Variants in SPIDR observed in about 807,000 individuals in gnomAD.
SPIDR encodes the protein DNA repair-scaffolding protein.
SPIDR carries 93 observed loss-of-function variants against 104.6 expected under a neutral mutation model. That is an observed-to-expected ratio of 0.89 (90% CI 0.75 to 1.06). SPIDR has a LOEUF of 1.06. Ranked by LOEUF, SPIDR falls within the 50% of genes least tolerant of loss-of-function variation. SPIDR has a pLI of 0.00. For synonymous variants in SPIDR, 431 were observed against 416.9 expected, an observed-to-expected ratio of 1.03 and a Z score of -0.41; for missense variants, 1,154 against 1,111.2, an observed-to-expected ratio of 1.04 and a Z score of -0.55.
At chr8:47,409,470 G>T (rs1207737344) in intron 7 of SPIDR, among the ~76,000 whole-genome samples, 1 of 152,132 alleles carries the variant, frequency 6.6e-6, no homozygotes, top group Non-Finnish European at 1.5e-5. Flanking sequence ...CTAGAGTAGG[G>T]GATGGGTAGG....
chr8:47,319,219 C>A (rs1453580910), intron 5 of SPIDR, among the ~76,000 whole-genome samples: 1 of 152,094 alleles, frequency 6.6e-6, no homozygotes, highest in Non-Finnish European at 1.5e-5. Flanking sequence ...GCAGAAGACA[C>A]ACACAGGCTC....
At chr8:47,411,041 T>G (rs573691614) in intron 7 of SPIDR, among the ~76,000 whole-genome samples, 1 of 152,368 alleles carries the variant, frequency 6.6e-6, no homozygotes, top group South Asian at 2.1e-4. Context: ...TGCCACATTT[T>G]CTTAATCCAG....
chr8:47,697,192 A>G (rs1463078506), intron 11 of SPIDR, among the ~76,000 whole-genome samples: 1 of 151,654 alleles, frequency 6.6e-6, no homozygotes, highest in Non-Finnish European at 1.5e-5. Context: ...TCCTTTAAAG[A>G]GTGTGGAAGA....
intron 8 of SPIDR, among the ~76,000 whole-genome samples, chr8:47,505,416 G>C (rs2081314326): frequency 6.6e-6 from 1 of 152,180 alleles, no homozygotes; most frequent in African/African-American, 2.4e-5. Flanking sequence ...GGGCTCTGTG[G>C]GCATAGGACC....
At chr8:47,675,013 GTTTT>G (rs2076241376) in intron 11 of SPIDR, among the ~76,000 whole-genome samples, 1 of 151,906 alleles carries the variant, frequency 6.6e-6, no homozygotes, top group East Asian at 1.9e-4. Context: ...TTGGTTTTTG[GTTTT>G]TTTGTTTTTT....
At chr8:47,282,966 C>T (rs1810043176) in intron 2 of SPIDR, among the ~76,000 whole-genome samples, 1 of 152,086 alleles carries the variant, frequency 6.6e-6, no homozygotes. Flanking sequence ...GGTGATTCTC[C>T]TGCCTCAGCC....
chr8:47,440,346 G>A lies in SPIDR; in HGVS notation c.901G>A (p.Val301Met), dbSNP rs781791377. 1.9e-6 allele frequency: 3 copies of A among 1,614,126 alleles called. No homozygotes were observed. Among genetic ancestry groups the A allele is most frequent in the East Asian group, 2.2e-5 (1 of 44,884 alleles). Reference sequence around the variant, plus strand: ...AGGTAGAAAATCTGGTGTATTAACTGTGAAAATTTTAGAGCTGCATGAGGA... The same window carrying A: ...AGGTAGAAAATCTGGTGTATTAACTATGAAAATTTTAGAGCTGCATGAGGA... The part of the protein sequence containing the change: ...LSGRKSGVLT[V>M]KILELHEECA... The change falls in exon 8 of 20, where the codon GTG (valine) becomes ATG (methionine). Residue 301 changes from valine to methionine, a missense_variant. Transcript: ENST00000297423.
At chr8:47,655,625 G>A (rs2072624211) in intron 10 of SPIDR, among the ~76,000 whole-genome samples, 1 of 151,916 alleles carries the variant, frequency 6.6e-6, no homozygotes, top group Admixed American at 6.6e-5. Context: ...CTGGATATTA[G>A]CCCTTTGTCA....
chr8:47,526,435 AGCAAAATCTAGTCTTCATTG>A, intron 8 of SPIDR, among the ~76,000 whole-genome samples: 2 of 152,338 alleles, frequency 1.3e-5, no homozygotes, highest in African/African-American at 4.8e-5. Flanking sequence ...GGTCACAGGG[AGCAAAATCTAGTCTTCATTG>A]GCTAAGAAGC....
intron 7 of SPIDR, among the ~76,000 whole-genome samples, chr8:47,433,321 T>G (rs4873101): frequency 0.73 from 111,767 of 152,078 alleles, 41,205 homozygotes; most frequent in East Asian, 0.81. Flanking sequence ...CTTCAGTCTG[T>G]TCTCAACACG....
intron 8 of SPIDR, chr8:47,592,543 G>T: frequency 7.5e-7 from 1 of 1,339,042 alleles, no homozygotes; most frequent in Non-Finnish European, 1.1e-6. Context: ...CTGCTTTGAT[G>T]CCAGGAACTG....
intron 5 of SPIDR, among the ~76,000 whole-genome samples, chr8:47,329,367 G>T (rs575102494): frequency 6.6e-6 from 1 of 152,024 alleles, no homozygotes; most frequent in Non-Finnish European, 1.5e-5. Flanking sequence ...CACCGCGCCC[G>T]ACCCAATTTT....
chr8:47,300,591 A>G (rs2041890219), intron 5 of SPIDR, among the ~76,000 whole-genome samples: 1 of 152,210 alleles, frequency 6.6e-6, no homozygotes, highest in African/African-American at 2.4e-5. Flanking sequence ...ATTTAGTGCT[A>G]CAAATTTCCC....
intron 10 of SPIDR, among the ~76,000 whole-genome samples, chr8:47,607,538 G>A (rs1428209456): frequency 2.0e-5 from 3 of 151,648 alleles, no homozygotes; most frequent in Admixed American, 2.0e-4. Context: ...GTGTGTGTTT[G>A]GACAGTGGAA....
intron 11 of SPIDR, among the ~76,000 whole-genome samples, chr8:47,681,929 C>A (rs979837368): frequency 3.3e-5 from 5 of 152,074 alleles, no homozygotes; most frequent in Non-Finnish European, 7.3e-5. Context: ...TTAGTTTCTT[C>A]ATTTTAATTA....
At chr8:47,310,924 A>T (rs782420283) in intron 5 of SPIDR, among the ~76,000 whole-genome samples, 3 of 152,308 alleles carry the variant, frequency 2.0e-5, no homozygotes, top group Admixed American at 6.5e-5. Context: ...CCAGAATACA[A>T]TCCATATTCA....
chr8:47,360,698 T>C, intron 5 of SPIDR: 1 of 273,794 alleles, frequency 3.7e-6, no homozygotes, highest in Non-Finnish European at 5.6e-6. Flanking sequence ...GATAAGTATG[T>C]GAAATCTCCC....
intron 10 of SPIDR, among the ~76,000 whole-genome samples, chr8:47,672,142 C>T (rs1176829594): frequency 6.6e-6 from 1 of 152,070 alleles, no homozygotes; most frequent in Non-Finnish European, 1.5e-5. Context: ...AAAATTTTTC[C>T]TAGAGACAAG....
rs1160314834 is a variant in SPIDR, at chr8:47,735,320, A to G, written c.2618A>G (p.Lys873Arg). The G allele has an allele frequency of 6.2e-7, 1 of 1,613,918 alleles. No homozygotes were observed. The highest frequency in any genetic ancestry group is 8.5e-7 in the Non-Finnish European group (1 of 1,180,044). Residue 873 changes from lysine to arginine, a missense_variant, in exon 20 of 20, where the codon AAG becomes AGG. Lys to Arg is a conservative substitution (Grantham distance 26). Coordinates refer to ENST00000297423, the MANE Select transcript of SPIDR (RefSeq NM_001080394.4). ...TTATCACTGCAGAGCTACGAAGTGA[A>G]GAGTGTCCTCGGAAAGGAAGTGGGG... is the stretch of plus-strand genomic sequence containing the variant. ...AAGEDGSYEV[K>R]SVLGKEVGLL...
Sources: gnomAD v4.1 joint callset for allele counts (sites outside exome capture counted in the v4.1 genomes callset) on GRCh38, gnomAD v4.1.1 for gene constraint, MANE v1.5 for transcripts, NCBI Gene and HGNC (gene_info 2026-07-23, HGNC 2026-07-21) for gene names.